Variants in CDH8 observed in about 807,000 individuals in gnomAD.
The protein encoded by CDH8 is cadherin-8.
CDH8 carries 17 observed loss-of-function variants against 68.1 expected under a neutral mutation model. The ratio of observed to expected loss-of-function variants is 0.25; its 90% CI spans 0.17 to 0.37. CDH8 has a LOEUF of 0.37. Ranked by LOEUF, CDH8 falls within the 10% of genes least tolerant of loss-of-function variation. The pLI is 1.00. For missense variants in CDH8, 763 were observed against 999.3 expected, an observed-to-expected ratio of 0.76 and a Z score of 3.19; for synonymous variants, 372 against 365.1, an observed-to-expected ratio of 1.02 and a Z score of -0.21.
At chr16:62,032,758 C>T (rs1438656296) in intron 1 of CDH8, among the ~76,000 whole-genome samples, 1 of 152,138 alleles carries the variant, frequency 6.6e-6, no homozygotes, top group African/African-American at 2.4e-5. Flanking sequence ...TCACTTTACC[C>T]CTTGAAAGCC....
intron 7 of CDH8, among the ~76,000 whole-genome samples, chr16:61,797,565 A>C (rs1961527376): frequency 6.6e-6 from 1 of 152,114 alleles, no homozygotes; most frequent in African/African-American, 2.4e-5. Context: ...ACCTCATCTA[A>C]AAAATGAGAA....
chr16:62,029,289 G>A lies in CDH8; in HGVS notation c.-200+6791C>T, dbSNP rs1213846501. Among the ~76,000 whole-genome samples, 3 of 152,124 alleles carry A rather than the reference G, an allele frequency of 2.0e-5. No individual in the cohort carries two copies. The East Asian group carries it at 5.8e-4, about 29-fold the overall frequency. On this transcript the variant is annotated intron_variant, in intron 1 of 11. Coordinates refer to ENST00000577390, the MANE Select transcript of CDH8 (RefSeq NM_001796.5). Reference sequence around the variant, plus strand: ...ACTGATTTTTAAAAATTATTTTATTGCAATCTCTTGCTGTGTATGTACTTC... The same window carrying A: ...ACTGATTTTTAAAAATTATTTTATTACAATCTCTTGCTGTGTATGTACTTC...
At chr16:61,867,649 C>T (rs1047364862) in intron 3 of CDH8, among the ~76,000 whole-genome samples, 1 of 152,080 alleles carries the variant, frequency 6.6e-6, no homozygotes, top group Non-Finnish European at 1.5e-5. Context: ...GGGTTTTAAA[C>T]AACCCTTTCC....
chr16:62,026,291 C>T (rs535841293), intron 1 of CDH8, among the ~76,000 whole-genome samples: 15 of 152,310 alleles, frequency 9.8e-5, no homozygotes, highest in African/African-American at 3.6e-4. Context: ...TCCAAATTAC[C>T]TGGAAATCTT....
At chr16:61,671,745 A>G (rs1406120156) in intron 10 of CDH8, among the ~76,000 whole-genome samples, 2 of 152,070 alleles carry the variant, frequency 1.3e-5, no homozygotes. Context: ...ATTCTTCCTA[A>G]TATTGGAAAT....
At chr16:61,748,605 A>AG (rs1277642909) in intron 8 of CDH8, among the ~76,000 whole-genome samples, 1 of 152,054 alleles carries the variant, frequency 6.6e-6, no homozygotes, top group Non-Finnish European at 1.5e-5. Flanking sequence ...AAATGTTGGA[A>AG]GGGGTTAGTC....
chr16:61,771,728 T>C (rs1314183157), intron 8 of CDH8, among the ~76,000 whole-genome samples: 1 of 151,978 alleles, frequency 6.6e-6, no homozygotes, highest in African/African-American at 2.4e-5. Context: ...CATACATATA[T>C]TCTGTACATC....
intron 9 of CDH8, 64 bp from the exon 10 acceptor site, chr16:61,714,022 G>A: frequency 1.1e-6 from 1 of 951,960 alleles, no homozygotes; most frequent in South Asian, 1.3e-5. Flanking sequence ...ATCGGTAAAA[G>A]CTTAGTGACA....
intron 2 of CDH8, among the ~76,000 whole-genome samples, chr16:61,959,867 G>C (rs1265623656): frequency 6.9e-6 from 1 of 145,294 alleles, no homozygotes; most frequent in African/African-American, 2.5e-5. Context: ...ATATATGTGT[G>C]CATATATATG....
intron 10 of CDH8, among the ~76,000 whole-genome samples, chr16:61,709,143 A>T (rs1305031548): frequency 6.6e-6 from 1 of 152,036 alleles, no homozygotes; most frequent in Non-Finnish European, 1.5e-5. Context: ...TGAACAAGAG[A>T]TGTTTCTTTT....
chr16:61,687,410 A>G (rs1337423857), intron 10 of CDH8, among the ~76,000 whole-genome samples: 1 of 152,000 alleles, frequency 6.6e-6, no homozygotes, highest in Non-Finnish European at 1.5e-5. Flanking sequence ...TGAGGCTCAG[A>G]TAGTCTAACT....
intron 2 of CDH8, among the ~76,000 whole-genome samples, chr16:62,011,711 A>G (rs978587): frequency 0.98 from 148,672 of 152,342 alleles, 72,576 homozygotes; most frequent in East Asian, 1. Context: ...AGGTGTACAG[A>G]TGTTGAATGA....
chr16:62,026,700 T>C (rs947405934), intron 1 of CDH8, among the ~76,000 whole-genome samples: 3 of 152,220 alleles, frequency 2.0e-5, no homozygotes, highest in Non-Finnish European at 4.4e-5. Flanking sequence ...AACTGGTGTG[T>C]TCACAGGCAC....
At chr16:62,032,503 G>T (rs753144918) in intron 1 of CDH8, among the ~76,000 whole-genome samples, 52 of 152,082 alleles carry the variant, frequency 3.4e-4, no homozygotes, top group Non-Finnish European at 6.9e-4. Flanking sequence ...TGCCAATAGC[G>T]CTGAAAACAA....
At chr16:61,971,609 A>G (rs1387698420) in intron 2 of CDH8, among the ~76,000 whole-genome samples, 2 of 152,184 alleles carry the variant, frequency 1.3e-5, no homozygotes, top group Non-Finnish European at 2.9e-5. Flanking sequence ...TTGAATTTTT[A>G]TGGAAGCTTC....
At chr16:61,792,059 CT>C (rs1163097632) in intron 7 of CDH8, among the ~76,000 whole-genome samples, 1 of 151,972 alleles carries the variant, frequency 6.6e-6, no homozygotes, top group Non-Finnish European at 1.5e-5. Flanking sequence ...TATTAATAAA[CT>C]TCCCTATTTA....
At chr16:61,970,557 CTG>C (rs932930487) in intron 2 of CDH8, among the ~76,000 whole-genome samples, 51 of 152,190 alleles carry the variant, frequency 3.4e-4, no homozygotes, top group Non-Finnish European at 4.3e-4. Flanking sequence ...ATGAGGAACT[CTG>C]TGAGAAAATA....
chr16:61,990,305 CTTTTTTTT>C (rs71134381), intron 2 of CDH8, among the ~76,000 whole-genome samples: 7 of 82,982 alleles, frequency 8.4e-5, no homozygotes, highest in Non-Finnish European at 1.4e-4. Flanking sequence ...TGAAGAAGTC[CTTTTTTTT>C]TTTTTTTTTT....
At chr16:61,773,885 A>G (rs1596954960) in intron 8 of CDH8, among the ~76,000 whole-genome samples, 1 of 152,044 alleles carries the variant, frequency 6.6e-6, no homozygotes, top group South Asian at 2.1e-4. Context: ...CATTACAAGT[A>G]AGTGAGTGGA....
Sources: allele counts gnomAD v4.1 joint callset (sites outside exome capture counted in the v4.1 genomes callset), GRCh38; gene constraint gnomAD v4.1.1; transcripts MANE v1.5; gene names NCBI Gene and HGNC (gene_info 2026-07-23, HGNC 2026-07-21).